The following FSTL4 variants were observed in gnomAD, a reference collection of about 807,000 sequenced individuals.
The protein encoded by FSTL4 is follistatin like 4, also known as follistatin-related protein 4.
A neutral mutation model predicts 78.2 loss-of-function variants in FSTL4; 28 were observed. The observed-to-expected ratio is 0.36, with a 90% CI of 0.27 to 0.49. The LOEUF (loss-of-function observed/expected upper bound fraction) is 0.49. Ranked by LOEUF, FSTL4 falls within the 20% of genes least tolerant of loss-of-function variation. FSTL4 has a pLI of 0.98. For synonymous variants in FSTL4, 422 were observed against 440.5 expected (o/e 0.96, Z 0.53); for missense variants, 922 against 1,084.9 (o/e 0.85, Z 2.11).
chr5:133,754,491 A>G, the FSTL4 span, among the ~76,000 whole-genome samples: 7 of 152,252 alleles, frequency 4.6e-5, no homozygotes, highest in African/African-American at 7.2e-5. Flanking sequence ...GGATAGTTTG[A>G]TAGATGTATT....
chr5:133,664,214 G>A, the FSTL4 span, among the ~76,000 whole-genome samples: 1 of 152,026 alleles, frequency 6.6e-6, no homozygotes, highest in Non-Finnish European at 1.5e-5. Flanking sequence ...CCCATTCAAG[G>A]GACCCATTCT....
rs1268154555 is a variant in FSTL4, at chr5:133,208,700, A to G, written c.1716+1491T>C. ...TTTTTCTTTTTTTGTTTTTTGAGAC[A>G]GAGTCTTGCTCTGCTGCCCAGGCTG... On this transcript the variant is annotated intron_variant, in intron 14 of 15. Transcript: ENST00000265342. Among the ~76,000 whole-genome samples, 5 of 152,162 alleles carry G rather than the reference A, an allele frequency of 3.3e-5. No individual in the cohort carries two copies. The East Asian group carries it at 9.6e-4, about 29-fold the overall frequency.
At position 133,551,463 on chromosome 5, in the gene FSTL4, C is replaced by G. The variant is rs1458764907; in HGVS notation, c.160+15723G>C. ...CACAAGGGCAGTAACTGTTTATCAT[C>G]TGAATTTTGTACATTAAGAAAATGA... On this transcript the variant is annotated intron_variant, in intron 3 of 15. Transcript: ENST00000265342. Among the ~76,000 whole-genome samples the G allele has an allele frequency of 3.3e-5, 5 of 152,202 alleles. No individual in the cohort carries two copies. In the East Asian group the frequency reaches 9.6e-4, roughly 29 times the overall value.
intron 7 of FSTL4, among the ~76,000 whole-genome samples, chr5:133,246,218 G>T (rs532808178): frequency 5.3e-5 from 8 of 152,202 alleles, no homozygotes; most frequent in South Asian, 2.1e-4. Context: ...CACTGCCGTG[G>T]GGTGAACGTG....
upstream of FSTL4, among the ~76,000 whole-genome samples, chr5:133,615,354 A>G (rs1353936964): frequency 1.3e-5 from 2 of 152,266 alleles, no homozygotes; most frequent in Admixed American, 1.3e-4. Context: ...CATGCAGTTT[A>G]CTGAAGAGCC....
intron 3 of FSTL4, among the ~76,000 whole-genome samples, chr5:133,492,725 T>C (rs1758291085): frequency 6.6e-6 from 1 of 152,154 alleles, no homozygotes; most frequent in Admixed American, 6.5e-5. Flanking sequence ...TAAAAAAATT[T>C]TGGAAAAGGT....
At chr5:133,386,523 G>T (rs1434012659) in intron 4 of FSTL4, among the ~76,000 whole-genome samples, 1 of 152,188 alleles carries the variant, frequency 6.6e-6, no homozygotes, top group Non-Finnish European at 1.5e-5. Context: ...CCTTCCTTTT[G>T]TATAGATTCC....
At chr5:133,584,942 A>G (rs1760501402) in intron 2 of FSTL4, among the ~76,000 whole-genome samples, 1 of 31,522 alleles carries the variant, frequency 3.2e-5, no homozygotes, top group African/African-American at 1.1e-4. Flanking sequence ...CTCGGCAGAA[A>G]CCCTACAAGC....
the FSTL4 span, among the ~76,000 whole-genome samples, chr5:133,756,190 C>T: frequency 6.6e-6 from 1 of 151,914 alleles, no homozygotes; most frequent in South Asian, 2.1e-4. Context: ...GATGCACAGA[C>T]ACCTCAGGCA....
the FSTL4 span, among the ~76,000 whole-genome samples, chr5:133,800,071 G>A: frequency 7.2e-6 from 1 of 139,364 alleles, no homozygotes; most frequent in African/African-American, 2.6e-5. Flanking sequence ...GAGTTCAGAG[G>A]AAAGTGTGGG....
chr5:133,522,030 T>C (rs1758991556), intron 3 of FSTL4, among the ~76,000 whole-genome samples: 1 of 152,174 alleles, frequency 6.6e-6, no homozygotes, highest in South Asian at 2.1e-4. Flanking sequence ...GGAGACACTG[T>C]GCAAAGCAGA....
intron 3 of FSTL4, among the ~76,000 whole-genome samples, chr5:133,523,027 C>T (rs1032762879): frequency 1.3e-5 from 2 of 151,860 alleles, no homozygotes; most frequent in African/African-American, 4.8e-5. Flanking sequence ...AAATCCTAAC[C>T]CCAGTGTTAC....
Position 133,209,852 on chromosome 5 carries a change from CTA to C in FSTL4, c.1716+337_1716+338del, listed in dbSNP as rs556464354. On this transcript the variant is annotated intron_variant, in intron 14 of 15. Transcript: ENST00000265342. ...CTAACATCTGCTGCTTGCTTTGACA[CTA>C]TTCTTCAGCCTCCCTTCTGGACCCC... 9.4e-4 allele frequency: 208 copies of C among 222,200 alleles called. 4 individuals carry two copies. In the East Asian group the frequency reaches 0.018, roughly 20 times the overall value. 13.8% of individuals were successfully genotyped at this position (222,200 alleles called of 1,614,324 possible).
chr5:133,218,543 A>C (rs934512191), intron 12 of FSTL4, among the ~76,000 whole-genome samples: 1 of 152,104 alleles, frequency 6.6e-6, no homozygotes, highest in African/African-American at 2.4e-5. Context: ...AAGGCCCTCT[A>C]CATTCGGTCT....
At chr5:133,600,422 G>GGC (rs932918588) in intron 2 of FSTL4, among the ~76,000 whole-genome samples, 2 of 38,062 alleles carry the variant, frequency 5.3e-5, no homozygotes, top group African/African-American at 2.3e-4. Flanking sequence ...GTAGGATAAA[G>GGC]GGGGGGGGGA....
chr5:133,837,018 A>G, the FSTL4 span, among the ~76,000 whole-genome samples: 1 of 152,064 alleles, frequency 6.6e-6, no homozygotes, highest in African/African-American at 2.4e-5. Flanking sequence ...CTTGTCCCTT[A>G]TCTTTTCAAA....
the FSTL4 span, among the ~76,000 whole-genome samples, chr5:133,754,356 G>T: frequency 6.6e-6 from 1 of 151,690 alleles, no homozygotes; most frequent in African/African-American, 2.4e-5. Flanking sequence ...AGAGCTAAAA[G>T]ATATATATAT....
At chr5:133,266,158 G>T (rs553520413) in intron 6 of FSTL4, among the ~76,000 whole-genome samples, 2 of 152,308 alleles carry the variant, frequency 1.3e-5, no homozygotes, top group Admixed American at 1.3e-4. Flanking sequence ...CCCAGCCAGC[G>T]CTGGCCAGAC....
In FSTL4 at chr5:133,249,559, G is replaced by A. The variant is rs748875833; in HGVS notation, c.745C>T (p.Leu249Phe). ...ACACTGACCCTGTCCTCGGGGGCGA[G>A]GCTGAGCTGAACCACTTCTGCAGAG... Reference protein sequence around the residue: ...YMAFQVVQLSLAPEDRVSVTT... With the variant: ...YMAFQVVQLSFAPEDRVSVTT... The change falls in exon 7 of 16, where the codon CTC (leucine) becomes TTC (phenylalanine). Residue 249 changes from leucine to phenylalanine, a missense_variant. By Grantham distance (22) the Leu-to-Phe change is conservative. Coordinates refer to ENST00000265342, the MANE Select transcript of FSTL4 (RefSeq NM_015082.2). 1.2e-6 allele frequency: 2 copies of A among 1,612,520 alleles called. No homozygotes were observed. The highest frequency in any genetic ancestry group is 2.2e-5 in the South Asian group (2 of 91,040).
Sources: gnomAD v4.1 joint callset for allele counts (sites outside exome capture counted in the v4.1 genomes callset) on GRCh38, gnomAD v4.1.1 for gene constraint, MANE v1.5 for transcripts, NCBI Gene and HGNC (gene_info 2026-07-23, HGNC 2026-07-21) for gene names.